The following PLCB1 variants were observed in gnomAD, a reference collection of about 807,000 sequenced individuals.
The protein encoded by PLCB1 is phospholipase C beta 1, also known as 1-phosphatidylinositol 4,5-bisphosphate phosphodiesterase beta-1.
PLCB1 carries 46 observed loss-of-function variants against 161.8 expected under a neutral mutation model. The observed-to-expected ratio is 0.28, with a 90% CI of 0.22 to 0.36. PLCB1 has a LOEUF of 0.36. Ranked by LOEUF, PLCB1 falls within the 10% of genes least tolerant of loss-of-function variation. The probability of loss-of-function intolerance (pLI) is 1.00; values close to 1 mark genes in which losing one functional copy is unlikely to be tolerated. For synonymous variants in PLCB1, 517 were observed against 503.7 expected (o/e 1.03, Z -0.35); for missense variants, 1,016 against 1,472.5 (o/e 0.69, Z 5.07).
chr20:8,488,627 GTT>G (rs1982825281), intron 3 of PLCB1, among the ~76,000 whole-genome samples: 1 of 151,934 alleles, frequency 6.6e-6, no homozygotes, highest in Non-Finnish European at 1.5e-5. Flanking sequence ...CTCTAAACAT[GTT>G]TAATTCACTT....
At chr20:8,584,212 A>G (rs1394913504) in intron 3 of PLCB1, among the ~76,000 whole-genome samples, 3 of 152,086 alleles carry the variant, frequency 2.0e-5, no homozygotes, top group Admixed American at 6.5e-5. Flanking sequence ...GCAAAATTTG[A>G]TCATATTCAA....
At chr20:8,734,750 A>G (rs1034942854) in intron 19 of PLCB1, among the ~76,000 whole-genome samples, 1 of 152,094 alleles carries the variant, frequency 6.6e-6, no homozygotes, top group East Asian at 1.9e-4. Flanking sequence ...AAGCTTTTCA[A>G]AAATATTGTC....
chr20:8,303,753 G>T (rs1465686863), intron 2 of PLCB1, among the ~76,000 whole-genome samples: 1 of 152,134 alleles, frequency 6.6e-6, no homozygotes, highest in Non-Finnish European at 1.5e-5. Flanking sequence ...ACATTGTTCA[G>T]ATTAGAATAG....
chr20:8,809,406 C>T (rs1569627), intron 31 of PLCB1, among the ~76,000 whole-genome samples: 8,399 of 152,172 alleles, frequency 0.055, 722 homozygotes, highest in African/African-American at 0.18. Context: ...TACGCACCAT[C>T]GGTAGTGGTG....
chr20:8,730,899 G>A (rs898512045), intron 18 of PLCB1, among the ~76,000 whole-genome samples: 2 of 151,490 alleles, frequency 1.3e-5, no homozygotes, highest in East Asian at 1.9e-4. Flanking sequence ...ATAAATGATT[G>A]TATTTTACAA....
At chr20:8,826,998 A>G (rs935107972) in intron 31 of PLCB1, among the ~76,000 whole-genome samples, 8 of 152,238 alleles carry the variant, frequency 5.3e-5, no homozygotes, top group Non-Finnish European at 1.2e-4. Context: ...TGCGTATTTC[A>G]GATGACATCT....
intron 2 of PLCB1, among the ~76,000 whole-genome samples, chr20:8,195,265 T>C (rs1600227749): frequency 6.6e-6 from 1 of 152,180 alleles, no homozygotes; most frequent in South Asian, 2.1e-4. Context: ...TTTGTCTTTA[T>C]GTTTTTCAAG....
At chr20:8,250,127 G>C (rs1346327923) in intron 2 of PLCB1, among the ~76,000 whole-genome samples, 1 of 151,850 alleles carries the variant, frequency 6.6e-6, no homozygotes, top group African/African-American at 2.4e-5. Flanking sequence ...AACACACGAG[G>C]AGTTATTGAA....
chr20:8,257,754 T>C (rs967576785), intron 2 of PLCB1, among the ~76,000 whole-genome samples: 1 of 152,100 alleles, frequency 6.6e-6, no homozygotes, highest in African/African-American at 2.4e-5. Context: ...CTTCATGAAT[T>C]TTCACTGATT....
At chr20:8,691,425 T>A (rs1175484441) in intron 10 of PLCB1, among the ~76,000 whole-genome samples, 2 of 152,166 alleles carry the variant, frequency 1.3e-5, no homozygotes, top group Non-Finnish European at 2.9e-5. Flanking sequence ...AAAGTTTTCC[T>A]ATTTAAATGA....
intron 1 of PLCB1, among the ~76,000 whole-genome samples, chr20:8,147,737 G>A (rs530440691): frequency 1.3e-5 from 2 of 152,102 alleles, no homozygotes; most frequent in Non-Finnish European, 2.9e-5. Context: ...AACTGTGGCC[G>A]GAAGAGTGGG....
At chr20:8,752,761 C>G (rs1211204665) in intron 23 of PLCB1, among the ~76,000 whole-genome samples, 2 of 151,022 alleles carry the variant, frequency 1.3e-5, no homozygotes, top group East Asian at 1.9e-4. Flanking sequence ...CTACTGCACT[C>G]CAGCCTGGGT....
intron 3 of PLCB1, among the ~76,000 whole-genome samples, chr20:8,507,228 C>T (rs1175623573): frequency 2.0e-5 from 3 of 152,036 alleles, no homozygotes; most frequent in Non-Finnish European, 4.4e-5. Flanking sequence ...GAGGAGGGGG[C>T]ATGGGAGGAC....
Position 8,457,714 on chromosome 20 carries a change from G to GCGCACACACACACA in PLCB1, c.246+86265_246+86266insGCACACACACACAC, listed in dbSNP as rs1555808428. Among the ~76,000 whole-genome samples, 35 of 145,860 alleles carry GCGCACACACACACA rather than the reference G, an allele frequency of 2.4e-4. No homozygotes were observed. The South Asian group carries it at 5.6e-3, about 23-fold the overall frequency. ...CTACTTATACCCCTAATGTGTGCGC[G>GCGCACACACACACA]CACACACACACACACACACACACAC... On this transcript the variant is annotated intron_variant, in intron 3 of 31. Coordinates refer to ENST00000338037, the MANE Select transcript of PLCB1 (RefSeq NM_015192.4).
At chr20:8,455,432 CTTTT>C (rs1175763739) in intron 3 of PLCB1, among the ~76,000 whole-genome samples, 104 of 74,208 alleles carry the variant, frequency 1.4e-3, no homozygotes, top group African/African-American at 1.2e-3. Flanking sequence ...TATTCTTCCT[CTTTT>C]TTTTTTTTTT....
At chr20:8,315,381 C>A (rs1984597198) in intron 2 of PLCB1, among the ~76,000 whole-genome samples, 1 of 152,176 alleles carries the variant, frequency 6.6e-6, no homozygotes. Flanking sequence ...CAAAATGTCT[C>A]TTGTGGCTCA....
chr20:8,376,809 T>C (rs987144775), intron 3 of PLCB1, among the ~76,000 whole-genome samples: 5 of 151,730 alleles, frequency 3.3e-5, no homozygotes, highest in African/African-American at 4.8e-5. Flanking sequence ...GCGCCTGTAG[T>C]CCCAGCTACT....
chr20:8,327,959 A>G (rs1985223659), intron 2 of PLCB1, among the ~76,000 whole-genome samples: 1 of 152,162 alleles, frequency 6.6e-6, no homozygotes, highest in African/African-American at 2.4e-5. Context: ...ACATGCTTAT[A>G]TACATATATG....
In PLCB1 at chr20:8,205,368, C is replaced by T. The variant is rs564065627; in HGVS notation, c.177+54997C>T. On this transcript the variant is annotated intron_variant, in intron 2 of 31. Transcript: ENST00000338037. ...CAAACCTGAAATTCTTCAAGCTTCT[C>T]GATCCAGCTACTGATTTATTGAAAA... Among the ~76,000 whole-genome samples, 38 of 152,236 alleles carry T rather than the reference C, an allele frequency of 2.5e-4. No homozygotes were observed. The South Asian group carries it at 5.0e-3, about 20-fold the overall frequency.
Sources: gnomAD v4.1 joint callset for allele counts (sites outside exome capture counted in the v4.1 genomes callset) on GRCh38, gnomAD v4.1.1 for gene constraint, MANE v1.5 for transcripts, NCBI Gene and HGNC (gene_info 2026-07-23, HGNC 2026-07-21) for gene names.